Variants in STK32B observed in about 807,000 individuals in gnomAD.
The protein encoded by STK32B is serine/threonine kinase 32B, also known as serine/threonine-protein kinase 32B.
STK32B carries 43 observed loss-of-function variants against 52.6 expected under a neutral mutation model. That is an observed-to-expected ratio of 0.82 (90% CI 0.64 to 1.05). The LOEUF is 1.05. Among genes scored for constraint, STK32B ranks in the 50% least tolerant of loss-of-function variants. The pLI is 0.00. For missense variants in STK32B, 621 were observed against 534.6 expected, an observed-to-expected ratio of 1.16 and a Z score of -1.59; for synonymous variants, 238 against 204.3, an observed-to-expected ratio of 1.17 and a Z score of -1.41.
chr4:5,323,472 T>C (rs1031012213), intron 3 of STK32B, among the ~76,000 whole-genome samples: 21 of 152,216 alleles, frequency 1.4e-4, no homozygotes, highest in African/African-American at 5.1e-4. Flanking sequence ...GGGAGACGGC[T>C]ATGGGGAGAG....
intron 6 of STK32B, among the ~76,000 whole-genome samples, chr4:5,439,143 G>T (rs540318405): frequency 6.8e-6 from 1 of 147,532 alleles, no homozygotes; most frequent in Admixed American, 6.8e-5. Context: ...GGGTCAAATG[G>T]TATTTCTAGT....
chr4:5,264,546 G>A (rs926884280), intron 3 of STK32B, among the ~76,000 whole-genome samples: 16 of 152,116 alleles, frequency 1.1e-4, no homozygotes, highest in Non-Finnish European at 2.2e-4. Context: ...CAGCACTTTG[G>A]GAGGCTGAGG....
At chr4:5,109,729 T>G (rs189344541) in intron 1 of STK32B, among the ~76,000 whole-genome samples, 2 of 152,180 alleles carry the variant, frequency 1.3e-5, no homozygotes, top group East Asian at 3.9e-4. Context: ...ATAAGACAAG[T>G]TCCACTATTC....
At chr4:5,333,575 G>T (rs1383820717) in intron 4 of STK32B, among the ~76,000 whole-genome samples, 1 of 152,156 alleles carries the variant, frequency 6.6e-6, no homozygotes, top group African/African-American at 2.4e-5. Context: ...GAATGGTAAT[G>T]CCTAGGTTTT....
chr4:5,188,114 T>G (rs932178580), intron 3 of STK32B, among the ~76,000 whole-genome samples: 1 of 152,186 alleles, frequency 6.6e-6, no homozygotes, highest in Non-Finnish European at 1.5e-5. Flanking sequence ...TGGAGCAGCA[T>G]ACATTATTAT....
At chr4:5,300,961 A>G (rs950204826) in intron 3 of STK32B, among the ~76,000 whole-genome samples, 6 of 152,082 alleles carry the variant, frequency 3.9e-5, no homozygotes, top group Admixed American at 6.6e-5. Flanking sequence ...ACCTCCTTCT[A>G]TTCCTAGTTT....
At chr4:5,310,743 C>G (rs1730240225) in intron 3 of STK32B, among the ~76,000 whole-genome samples, 1 of 152,130 alleles carries the variant, frequency 6.6e-6, no homozygotes, top group South Asian at 2.1e-4. Context: ...TGCACTCCCA[C>G]ATTTATTGCA....
chr4:5,462,124 T>G (rs886961996), intron 9 of STK32B, among the ~76,000 whole-genome samples: 27 of 152,158 alleles, frequency 1.8e-4, no homozygotes, highest in Admixed American at 5.9e-4. Context: ...TGCATCTGTG[T>G]GTGCATGCCA....
At chr4:5,172,417 T>C (rs368214311) in intron 3 of STK32B, among the ~76,000 whole-genome samples, 2 of 152,012 alleles carry the variant, frequency 1.3e-5, no homozygotes, top group Non-Finnish European at 1.5e-5. Context: ...CCAGTTTTTG[T>C]CCATTCAGTA....
chr4:5,088,430 T>A (rs907339367), intron 1 of STK32B, among the ~76,000 whole-genome samples: 8 of 152,104 alleles, frequency 5.3e-5, no homozygotes, highest in Non-Finnish European at 7.4e-5. Context: ...ATAATAATTA[T>A]ATGTTTTAAA....
intron 3 of STK32B, among the ~76,000 whole-genome samples, chr4:5,197,429 G>A (rs1577178350): frequency 1.3e-5 from 2 of 152,186 alleles, no homozygotes; most frequent in East Asian, 3.8e-4. Flanking sequence ...TGTGCAGTGG[G>A]CACCTCTTAC....
chr4:5,171,420 C>G (rs949072724), intron 3 of STK32B, among the ~76,000 whole-genome samples: 6 of 151,962 alleles, frequency 3.9e-5, no homozygotes, highest in Non-Finnish European at 8.8e-5. Context: ...AGGTTTTCTT[C>G]TAGGGTTTTT....
chr4:5,465,741 CAG>C (rs1299469401), intron 9 of STK32B, among the ~76,000 whole-genome samples: 1 of 152,184 alleles, frequency 6.6e-6, no homozygotes, highest in African/African-American at 2.4e-5. Context: ...GGAGAGGACA[CAG>C]GGCCCAGTGG....
chr4:5,468,188 C>T, intron 11 of STK32B, 118 bp downstream of exon 11: 2 of 1,030,338 alleles, frequency 1.9e-6, no homozygotes, highest in East Asian at 2.4e-5. Flanking sequence ...GGGAAGGTAT[C>T]GCTGAGGTGA....
chr4:5,475,566 G>A (rs186530934), intron 11 of STK32B, among the ~76,000 whole-genome samples: 1 of 150,634 alleles, frequency 6.6e-6, no homozygotes, highest in East Asian at 2.0e-4. Flanking sequence ...AAGCGTGGTG[G>A]TGCACGCCTG....
At chr4:5,134,164 C>T (rs886779419) in intron 1 of STK32B, among the ~76,000 whole-genome samples, 1 of 152,210 alleles carries the variant, frequency 6.6e-6, no homozygotes, top group African/African-American at 2.4e-5. Flanking sequence ...TGTGGAAGGG[C>T]ATCGCAGGCC....
chr4:5,432,470 G>A (rs902960249), intron 6 of STK32B: 2 of 152,180 alleles, frequency 1.3e-5, no homozygotes, highest in African/African-American at 4.8e-5. Context: ...AAGAGAGAGG[G>A]TAAGATGGGA....
intron 1 of STK32B, among the ~76,000 whole-genome samples, chr4:5,129,445 C>T (rs879389832): frequency 8.5e-5 from 13 of 152,142 alleles, no homozygotes; most frequent in South Asian, 2.1e-4. Flanking sequence ...TCATTGTAGG[C>T]GTCTTATCCT....
chr4:5,258,954 C>G (rs570215831), intron 3 of STK32B, among the ~76,000 whole-genome samples: 69 of 152,326 alleles, frequency 4.5e-4, no homozygotes, highest in African/African-American at 1.5e-3. Context: ...TCATCTGCTT[C>G]ACTCACTTCT....
Sources: allele counts gnomAD v4.1 joint callset (sites outside exome capture counted in the v4.1 genomes callset), GRCh38; gene constraint gnomAD v4.1.1; transcripts MANE v1.5; gene names NCBI Gene and HGNC (gene_info 2026-07-23, HGNC 2026-07-21).